The following CNTNAP2 variants were observed in gnomAD, a reference collection of about 807,000 sequenced individuals.
CNTNAP2 encodes the protein contactin-associated protein-like 2.
A neutral mutation model predicts 155.2 loss-of-function variants in CNTNAP2; 98 were observed. That is an observed-to-expected ratio of 0.63 (90% CI 0.54 to 0.75). The LOEUF (loss-of-function observed/expected upper bound fraction) is 0.75, where lower values mean the gene tolerates loss of function less well. CNTNAP2 is among the 30% of genes least tolerant of loss of function. The pLI, the probability that CNTNAP2 is intolerant of heterozygous loss-of-function variation, is 0.00. For synonymous variants in CNTNAP2, 651 were observed against 631.2 expected, an observed-to-expected ratio of 1.03 and a Z score of -0.47; for missense variants, 1,727 against 1,688.1, an observed-to-expected ratio of 1.02 and a Z score of -0.40.
chr7:148,186,787 C>T (rs1010122506), intron 18 of CNTNAP2, among the ~76,000 whole-genome samples: 3 of 152,160 alleles, frequency 2.0e-5, no homozygotes, highest in Non-Finnish European at 2.9e-5. Context: ...ATTCCTTACT[C>T]TTCTGTTTCC....
intron 3 of CNTNAP2, among the ~76,000 whole-genome samples, chr7:146,862,470 A>G (rs985466990): frequency 2.4e-4 from 37 of 152,286 alleles, no homozygotes; most frequent in African/African-American, 7.9e-4. Context: ...TGTCCATCCT[A>G]TGACATCTGG....
chr7:148,251,232 G>C (rs1796357705), intron 20 of CNTNAP2, among the ~76,000 whole-genome samples: 1 of 152,150 alleles, frequency 6.6e-6, no homozygotes, highest in Non-Finnish European at 1.5e-5. Flanking sequence ...TACTCCCTCA[G>C]GTCAATAATT....
At chr7:147,875,760 G>A (rs567309972) in intron 13 of CNTNAP2, among the ~76,000 whole-genome samples, 1 of 152,212 alleles carries the variant, frequency 6.6e-6, no homozygotes, top group African/African-American at 2.4e-5. Flanking sequence ...AATAATTATG[G>A]TTTTAAAAAT....
intron 1 of CNTNAP2, among the ~76,000 whole-genome samples, chr7:146,220,197 A>G (rs2116895984): frequency 6.6e-6 from 1 of 152,266 alleles, no homozygotes; most frequent in South Asian, 2.1e-4. Context: ...ATTTCATATA[A>G]TGTGATATAT....
chr7:146,191,613 G>T (rs144790618), intron 1 of CNTNAP2, among the ~76,000 whole-genome samples: 162 of 152,210 alleles, frequency 1.1e-3, no homozygotes, highest in African/African-American at 3.8e-3. Context: ...CGTATCAACC[G>T]TATAAGACAG....
chr7:146,163,531 A>G (rs550891341), intron 1 of CNTNAP2, among the ~76,000 whole-genome samples: 99 of 146,300 alleles, frequency 6.8e-4, no homozygotes, highest in Admixed American at 4.8e-3. Flanking sequence ...ATATATCTAT[A>G]TATATCTATA....
At chr7:147,636,858 C>T (rs1306100990) in intron 12 of CNTNAP2, among the ~76,000 whole-genome samples, 4 of 151,906 alleles carry the variant, frequency 2.6e-5, no homozygotes, top group African/African-American at 9.7e-5. Flanking sequence ...AAAATTAAAG[C>T]AGGAAGAGGA....
chr7:146,192,274 G>A (rs1030862798), intron 1 of CNTNAP2, among the ~76,000 whole-genome samples: 2 of 152,036 alleles, frequency 1.3e-5, no homozygotes, highest in Non-Finnish European at 2.9e-5. Flanking sequence ...GTAAATACTT[G>A]TAACATGGAA....
chr7:148,022,408 G>C (rs1167409588), intron 15 of CNTNAP2, among the ~76,000 whole-genome samples: 1 of 149,972 alleles, frequency 6.7e-6, no homozygotes, highest in Non-Finnish European at 1.5e-5. Flanking sequence ...GGCGGAAGTT[G>C]CAGTGAGCCG....
At chr7:146,586,018 C>CAACAA (rs59673565) in intron 1 of CNTNAP2, among the ~76,000 whole-genome samples, 32 of 151,126 alleles carry the variant, frequency 2.1e-4, no homozygotes, top group African/African-American at 7.1e-4. Context: ...AAAACAACAA[C>CAACAA]AACAAAACAA....
At chr7:147,818,448 T>C (rs1798309652) in intron 13 of CNTNAP2, among the ~76,000 whole-genome samples, 1 of 152,128 alleles carries the variant, frequency 6.6e-6, no homozygotes, top group Admixed American at 6.5e-5. Context: ...TAGAGAGAAG[T>C]GCAGCCATCA....
rs137975569 is a variant in CNTNAP2, at chr7:147,575,184, ATGTG to A, written c.1897+12943_1897+12946del. On this transcript the variant is annotated intron_variant, in intron 12 of 23. Transcript: ENST00000361727. Reference sequence around the variant, plus strand: ...TAGCTTTAGGAGTATGCATATGTGTATGTGTGTGTGTGTGTGTGTATTCCCTAGC... The same window carrying A: ...TAGCTTTAGGAGTATGCATATGTGTATGTGTGTGTGTGTGTATTCCCTAGC... 7.6e-3 allele frequency among the ~76,000 whole-genome samples: 130 copies of A among 17,074 alleles called. 1 individual carries two copies. The highest frequency in any genetic ancestry group is 0.023 in the African/African-American group (124 of 5,460). The allele number at this position is 17,074 out of a possible 152,430, so 11.2% of individuals were successfully genotyped here.
intron 8 of CNTNAP2, among the ~76,000 whole-genome samples, chr7:147,162,377 T>C (rs1802043671): frequency 6.6e-6 from 1 of 152,164 alleles, no homozygotes; most frequent in Admixed American, 6.5e-5. Flanking sequence ...AAAAAGACTG[T>C]TTTCATAAGC....
intron 1 of CNTNAP2, among the ~76,000 whole-genome samples, chr7:146,321,839 A>G (rs1801006725): frequency 1.3e-5 from 2 of 152,182 alleles, no homozygotes; most frequent in African/African-American, 4.8e-5. Flanking sequence ...AGTTTAAAAT[A>G]TCTAGAATGG....
At chr7:147,073,829 A>G (rs1384872236) in intron 4 of CNTNAP2, among the ~76,000 whole-genome samples, 1 of 152,128 alleles carries the variant, frequency 6.6e-6, no homozygotes, top group Non-Finnish European at 1.5e-5. Flanking sequence ...TGAGTTGTTT[A>G]TGGAAGGGAC....
At chr7:146,494,775 G>A (rs2129131931) in intron 1 of CNTNAP2, among the ~76,000 whole-genome samples, 1 of 152,176 alleles carries the variant, frequency 6.6e-6, no homozygotes, top group African/African-American at 2.4e-5. Context: ...TTTAAAAGAT[G>A]GAATGCTTTA....
At chr7:146,389,996 C>T (rs1288353581) in intron 1 of CNTNAP2, among the ~76,000 whole-genome samples, 2 of 152,044 alleles carry the variant, frequency 1.3e-5, no homozygotes, top group Non-Finnish European at 2.9e-5. Flanking sequence ...CCATAGAGCC[C>T]AGCCCCGTAT....
chr7:148,027,341 C>T (rs1483572147), intron 15 of CNTNAP2, among the ~76,000 whole-genome samples: 1 of 152,170 alleles, frequency 6.6e-6, no homozygotes, highest in East Asian at 1.9e-4. Context: ...CACTTTTAGG[C>T]TTCTCCTGCT....
At chr7:148,078,058 A>G (rs67563106) in intron 15 of CNTNAP2, among the ~76,000 whole-genome samples, 22,462 of 151,612 alleles carry the variant, frequency 0.15, 2,204 homozygotes, top group East Asian at 0.46. Flanking sequence ...ACCCAAAAAC[A>G]TAATCATTGT....
Sources: gnomAD v4.1 joint callset for allele counts (sites outside exome capture counted in the v4.1 genomes callset) on GRCh38, gnomAD v4.1.1 for gene constraint, MANE v1.5 for transcripts, NCBI Gene and HGNC (gene_info 2026-07-23, HGNC 2026-07-21) for gene names.